Variants in SPTB observed in about 807,000 individuals in gnomAD.
The protein encoded by SPTB is spectrin beta, erythrocytic, also known as spectrin beta chain, erythrocytic.
In SPTB, 45 loss-of-function variants were observed where a neutral mutation model predicts 256.2. The ratio of observed to expected loss-of-function variants is 0.18; its 90% confidence interval spans 0.14 to 0.23. The LOEUF (loss-of-function observed/expected upper bound fraction) is 0.23, where lower values mean the gene tolerates loss of function less well. Ranked by LOEUF, SPTB falls within the 10% of genes least tolerant of loss-of-function variation. SPTB has a pLI of 1.00. For missense variants in SPTB, 2,715 were observed against 3,040.4 expected (o/e 0.89, Z 2.52); for synonymous variants, 1,231 against 1,243.1 (o/e 0.99, Z 0.21).
chr14:64,761,204 C>A (rs568279451), intron 32 of SPTB, among the ~76,000 whole-genome samples: 1 of 152,238 alleles, frequency 6.6e-6, no homozygotes, highest in South Asian at 2.1e-4. Context: ...CAGCTCTTGT[C>A]CTTTGGGTGA....
rs777430339 is a variant in SPTB at position 64,749,478 on chromosome 14, G to A, written c.6820-5C>T. 1.8e-5 allele frequency: 29 copies of A among 1,599,184 alleles called. No homozygotes were observed. Among genetic ancestry groups the A allele is most frequent in the East Asian group, 4.5e-5 (2 of 44,814 alleles). On this transcript the variant is annotated splice_polypyrimidine_tract_variant and splice_region_variant and intron_variant, in intron 35 of 35. Coordinates refer to ENST00000644917, the MANE Select transcript of SPTB (RefSeq NM_001355436.2). This position sits in a 1 kb window ranked among gnomAD's most constrained non-coding sequence, Gnocchi z 4.7. ...CAGCCAGGACAGCATCTCCTCCTGC[G>A]GGGCGGAGGGTCACGGTGGAGTCTG...
rs1041944546 is a variant in SPTB at position 64,769,659 on chromosome 14, G to A, written c.5868C>T (p.Ser1956=). 6.2e-7 allele frequency: 1 copy of A among 1,614,176 alleles called. No individual in the cohort carries two copies. The change falls in exon 28 of 36, where the codon AGC becomes AGT. Residue 1956 remains serine (S), a synonymous_variant. Coordinates refer to ENST00000644917, the MANE Select transcript of SPTB (RefSeq NM_001355436.2). ...GCTCCAGGCAGGCACTGAAGTTCTTGCTCCGGGTTTCAATCTCTGCATTGA... is the reference window on the plus strand; with the variant it reads ...GCTCCAGGCAGGCACTGAAGTTCTTACTCCGGGTTTCAATCTCTGCATTGA... The part of the protein sequence containing the change: ...QGINAEIETR[S]KNFSACLELG...
At chr14:64,859,265 T>A (rs1290120089) in intron 1 of SPTB, among the ~76,000 whole-genome samples, 3 of 151,972 alleles carry the variant, frequency 2.0e-5, no homozygotes, top group Non-Finnish European at 2.9e-5. Flanking sequence ...GAAGAAAAAA[T>A]AAATAAATAA....
At chr14:64,774,605 T>C (rs1594761547) in intron 23 of SPTB, 78 bp from the exon 24 acceptor site, 1 of 1,546,064 alleles carries the variant, frequency 6.5e-7, no homozygotes, top group East Asian at 2.4e-5. Flanking sequence ...CCCCCACTCC[T>C]GGAGGTGCCC....
intron 28 of SPTB, among the ~76,000 whole-genome samples, 198 bp from the exon 29 acceptor site, chr14:64,769,316 AG>A (rs2082242234): frequency 6.6e-6 from 1 of 152,174 alleles, no homozygotes; most frequent in African/African-American, 2.4e-5. Flanking sequence ...CTCCTATTAA[AG>A]GAGGTCACCA....
chr14:64,874,883 C>T (rs1882735800), intron 1 of SPTB, among the ~76,000 whole-genome samples: 2 of 152,112 alleles, frequency 1.3e-5, no homozygotes, highest in African/African-American at 2.4e-5. Flanking sequence ...ATCAAGGTGC[C>T]GTTAGTCTCT....
chr14:64,752,961 C>T (rs1327189494), intron 33 of SPTB, among the ~76,000 whole-genome samples: 2 of 152,072 alleles, frequency 1.3e-5, no homozygotes, highest in African/African-American at 4.8e-5. Context: ...GGAAAGGACG[C>T]AGCCTTTGAG....
rs1159541455 is a variant in SPTB, at chr14:64,845,332, A to C, written c.-51-22187T>G. Among the ~76,000 whole-genome samples, 1 of 152,248 alleles carries C rather than the reference A, an allele frequency of 6.6e-6. No homozygotes were observed. The highest frequency in any genetic ancestry group is 1.5e-5 in the Non-Finnish European group (1 of 68,050). ...GTGTGCCCATTGGTACAAACATTATAAACACAGATGTAAAGCTCATGAATA... is the reference window on the plus strand; with the variant it reads ...GTGTGCCCATTGGTACAAACATTATCAACACAGATGTAAAGCTCATGAATA... On this transcript the variant is annotated intron_variant, in intron 1 of 35. Coordinates refer to ENST00000644917, the MANE Select transcript of SPTB (RefSeq NM_001355436.2). This position sits in a 1 kb window ranked among gnomAD's most constrained non-coding sequence, Gnocchi z 4.8.
chr14:64,835,334 C>T (rs1012775186), intron 1 of SPTB, among the ~76,000 whole-genome samples: 9 of 152,140 alleles, frequency 5.9e-5, no homozygotes, highest in East Asian at 5.8e-4. Context: ...CTGAAACCTC[C>T]GCCTCTTGGG....
rs369444753 is a variant in SPTB, at chr14:64,782,511, G to A, written c.4045C>T (p.Leu1349=). The A allele has an allele frequency of 1.2e-6, 2 of 1,614,112 alleles. No homozygotes were observed. Among genetic ancestry groups the A allele is most frequent in the Non-Finnish European group, 1.7e-6 (2 of 1,180,042 alleles). The change falls in exon 20 of 36, where the codon CTG becomes TTG. Residue 1349 remains leucine (L), a synonymous_variant. Transcript: ENST00000644917. ...AGGGCTTCCAGCTTTTGGGACACCA[G>A]GGCTGTAAACTGGGGCTTCTCATCC... ...LMDEKPQFTA[L]VSQKLEALHR... is the part of the protein sequence containing the mutation.
rs1427980799 is a variant in SPTB, at chr14:64,754,858, G to C, written c.6346-1065C>G. On this transcript the variant is annotated intron_variant, in intron 32 of 35. Coordinates refer to ENST00000644917, the MANE Select transcript of SPTB (RefSeq NM_001355436.2). ...AAGAAAGAGAGGGCAGGACAGATTG[G>C]GGCAGCAGCGGGCGGCCTCCCATTG... is the stretch of plus-strand genomic sequence containing the variant. The C allele has an allele frequency of 2.6e-5, 4 of 152,596 alleles. No homozygotes were observed. The South Asian group carries it at 6.2e-4, about 24-fold the overall frequency. The allele number at this position is 152,596 out of a possible 1,614,324, so 9.5% of individuals were successfully genotyped here. A position where few individuals can be genotyped will look rare whatever the true frequency, so the allele number is the denominator to read the frequency against.
In SPTB at chr14:64,779,895, G is replaced by A. The variant is rs1277028532; in HGVS notation, c.4303C>T (p.Leu1435=). The change falls in exon 21 of 36, where the codon CTG becomes TTG. Residue 1435 remains leucine (L), a synonymous_variant. Coordinates refer to ENST00000644917, the MANE Select transcript of SPTB (RefSeq NM_001355436.2). This position sits in a 1 kb window ranked among gnomAD's most constrained non-coding sequence, Gnocchi z 4.2. ...EDQVNVRKEE[L]GELFAQVPSM... ...GGCACCTGGGCAAACAGCTCCCCCA[G>A]CTCCTCTTTTCGCACATTCACTTGG... The A allele has an allele frequency of 1.2e-6, 2 of 1,613,914 alleles. No individual in the cohort carries two copies. The highest frequency in any genetic ancestry group is 1.7e-6 in the Non-Finnish European group (2 of 1,179,892).
chr14:64,875,622 T>C (rs907642740), intron 1 of SPTB, among the ~76,000 whole-genome samples: 1 of 152,246 alleles, frequency 6.6e-6, no homozygotes, highest in African/African-American at 2.4e-5. Context: ...GACCACTGCA[T>C]CTACTCTTCT....
chr14:64,793,200 A>G lies in SPTB; in HGVS notation c.2463T>C (p.His821=), dbSNP rs1436105457. 1 of 1,612,834 alleles carries G rather than the reference A, an allele frequency of 6.2e-7. No individual in the cohort carries two copies. Among genetic ancestry groups the G allele is most frequent in the East Asian group, 2.2e-5 (1 of 44,880 alleles). ...EEFRDSPDVT[H]RLQALRELYQ... is the part of the protein sequence containing the mutation. ...AGAGCTCCCGCAGGGCCTGCAGCCG[A>G]TGGGTCACATCTGGGGAATCCCGAA... Residue 821 remains histidine (H), a synonymous_variant, in exon 14 of 36, where the codon CAT becomes CAC. Transcript: ENST00000644917. This position sits in a 1 kb window ranked among gnomAD's most constrained non-coding sequence, Gnocchi z 7.0.
rs778881942 is a variant in SPTB at position 64,785,594 on chromosome 14, G to A, written c.3798C>T (p.Ala1266=). 1.2e-6 allele frequency: 2 copies of A among 1,613,996 alleles called. No individual in the cohort carries two copies. Among genetic ancestry groups the A allele is most frequent in the Non-Finnish European group, 1.7e-6 (2 of 1,180,024 alleles). Residue 1266 remains alanine, a synonymous_variant, in exon 18 of 36, where the codon GCC becomes GCT. Coordinates refer to ENST00000644917, the MANE Select transcript of SPTB (RefSeq NM_001355436.2). The surrounding 1 kb of genome is among the most constrained non-coding windows in gnomAD (Gnocchi z 4.4). ...CCAGGTTGTCTCTCAGTAGGACAGA[G>A]GCCTCCTGGGCCTTCTCGTTGTTCT... The part of the protein sequence containing the change: ...HRKNNEKAQE[A]SVLLRDNLEL...
At chr14:64,788,100 T>G (rs2082605625) in intron 15 of SPTB, among the ~76,000 whole-genome samples, 1 of 152,156 alleles carries the variant, frequency 6.6e-6, no homozygotes, top group South Asian at 2.1e-4. Flanking sequence ...AGCATAAAGT[T>G]TCATGTGCAC....
At chr14:64,767,920 G>T (rs575319435) in intron 29 of SPTB, 61 bp from the exon 30 acceptor site, 1 of 1,574,728 alleles carries the variant, frequency 6.4e-7, no homozygotes. Flanking sequence ...GCACCCAATC[G>T]TTCACTCCTG....
rs976469269 is a variant in SPTB at position 64,831,386 on chromosome 14, A to C, written c.-51-8241T>G. 2.6e-4 allele frequency among the ~76,000 whole-genome samples: 39 copies of C among 152,242 alleles called. 1 individual carries two copies. The highest frequency in any genetic ancestry group is 9.2e-4 in the African/African-American group (38 of 41,464). ...TTCTTTCAGAGCCAAAATTATTGAC[A>C]AAGTTGCCAAGGACATGAACGGGTA... On this transcript the variant is annotated intron_variant, in intron 1 of 35. Transcript: ENST00000644917.
chr14:64,753,834 C>G (rs2081985779), intron 32 of SPTB, 41 bp from the exon 33 acceptor site: 26 of 1,607,170 alleles, frequency 1.6e-5, no homozygotes, highest in African/African-American at 2.7e-5. Context: ...TCTGGGTACT[C>G]TGGCTTAGAG....
Sources: gnomAD v4.1 joint callset for allele counts (sites outside exome capture counted in the v4.1 genomes callset) on GRCh38, gnomAD v4.1.1 for gene constraint, Gnocchi (gnomAD v3.1) non-coding constraint, MANE v1.5 for transcripts, NCBI Gene and HGNC (gene_info 2026-07-23, HGNC 2026-07-21) for gene names.